Variants in DNAAF4 observed in about 807,000 individuals in gnomAD.
DNAAF4 encodes dynein axonemal assembly factor 4.
In DNAAF4, 43 loss-of-function variants were observed where a neutral mutation model predicts 51.8. The ratio of observed to expected loss-of-function variants is 0.83; its 90% confidence interval spans 0.65 to 1.07. The LOEUF is 1.07. DNAAF4 is among the 50% of genes least tolerant of loss of function. DNAAF4 has a pLI of 0.00. For missense variants in DNAAF4, 581 were observed against 493.0 expected, an observed-to-expected ratio of 1.18 and a Z score of -1.69; for synonymous variants, 194 against 165.6, an observed-to-expected ratio of 1.17 and a Z score of -1.32.
In DNAAF4 at chr15:55,500,053, TA is replaced by T. The variant is rs1004028131; in HGVS notation, c.-255-1470del. 6.0e-4 allele frequency among the ~76,000 whole-genome samples: 89 copies of T among 149,144 alleles called. No individual in the cohort carries two copies. In the East Asian group the frequency reaches 0.011, roughly 18 times the overall value. ...TTGATTTTCAACTTTTTTTTAACTTTAAAAAAAAAACAGAGAAACTGGGCCT... is the reference window on the plus strand; with the variant it reads ...TTGATTTTCAACTTTTTTTTAACTTTAAAAAAAAACAGAGAAACTGGGCCT... On this transcript the variant is annotated intron_variant, in intron 1 of 9. Coordinates refer to ENST00000321149, the MANE Select transcript of DNAAF4 (RefSeq NM_130810.4).
chr15:55,463,066 G>T (rs2058116136), intron 5 of DNAAF4, among the ~76,000 whole-genome samples: 1 of 151,924 alleles, frequency 6.6e-6, no homozygotes, highest in Non-Finnish European at 1.5e-5. Context: ...CCCAGATACT[G>T]GGGAGGTTGA....
At chr15:55,499,177 G>A (rs770478276) in intron 1 of DNAAF4, among the ~76,000 whole-genome samples, 71 of 152,262 alleles carry the variant, frequency 4.7e-4, no homozygotes, top group Non-Finnish European at 9.7e-4. Flanking sequence ...GAGCCAATCC[G>A]TCAACATCCA....
chr15:55,499,225 G>A (rs1359081090), intron 1 of DNAAF4, among the ~76,000 whole-genome samples: 4 of 152,166 alleles, frequency 2.6e-5, no homozygotes, highest in African/African-American at 9.7e-5. Flanking sequence ...ATAGAGACAC[G>A]TGGTCATTTA....
intron 6 of DNAAF4, among the ~76,000 whole-genome samples, chr15:55,447,883 G>A (rs2057863612): frequency 6.7e-6 from 1 of 148,722 alleles, no homozygotes; most frequent in Non-Finnish European, 1.5e-5. Context: ...GAGGGGAGAG[G>A]GGAGCCCCTT....
chr15:55,423,255 G>A (rs896004999), intron 7 of DNAAF4, among the ~76,000 whole-genome samples: 4 of 151,418 alleles, frequency 2.6e-5, no homozygotes, highest in East Asian at 3.9e-4. Flanking sequence ...AGGCTGGAGC[G>A]CAATGACACA....
At chr15:55,433,904 T>TATAAAATA (rs1567000410) in intron 8 of DNAAF4, among the ~76,000 whole-genome samples, 1 of 16,342 alleles carries the variant, frequency 6.1e-5, no homozygotes, top group African/African-American at 4.7e-4. Context: ...ATTATATATA[T>TATAAAATA]TATATATAAT....
In DNAAF4 at chr15:55,498,129, TGCTCGTGCCCA is replaced by T. The variant is rs1442174159; in HGVS notation, c.123+67_123+77del. Reference sequence around the variant, plus strand: ...CGTTTATCGGCAAAGATGAGCCTGTTGCTCGTGCCCAGCTGCGCTCTTGCAGAAGCTTCGGA... The same window carrying T: ...CGTTTATCGGCAAAGATGAGCCTGTTGCTGCGCTCTTGCAGAAGCTTCGGA... On this transcript the variant is annotated intron_variant, in intron 2 of 9. Coordinates refer to ENST00000321149, the MANE Select transcript of DNAAF4 (RefSeq NM_130810.4). 1.9e-6 allele frequency: 3 copies of T among 1,602,698 alleles called. No homozygotes were observed. In the East Asian group the frequency reaches 6.7e-5, roughly 36 times the overall value.
At chr15:55,446,692 C>CTGA (rs2057827678) in intron 6 of DNAAF4, among the ~76,000 whole-genome samples, 1 of 145,640 alleles carries the variant, frequency 6.9e-6, no homozygotes, top group East Asian at 2.1e-4. Flanking sequence ...GACGGGGTGG[C>CTGA]CGGGCAGAGG....
chr15:55,477,497 G>A (rs2058351222), intron 4 of DNAAF4, among the ~76,000 whole-genome samples: 1 of 151,956 alleles, frequency 6.6e-6, no homozygotes, highest in Non-Finnish European at 1.5e-5. Context: ...GTAGAAAATG[G>A]AGTTATATTA....
At position 55,501,166 on chromosome 15, in the gene DNAAF4, C is replaced by T. The variant is rs1231116541; in HGVS notation, c.-255-2582G>A. On this transcript the variant is annotated intron_variant, in intron 1 of 9. Coordinates refer to ENST00000321149, the MANE Select transcript of DNAAF4 (RefSeq NM_130810.4). ...GCAACCTCCACCTCCGGGGTTCAAG[C>T]GATTCTCCTGCCTCAGCCTCCTGAG... is the stretch of plus-strand genomic sequence containing the variant. Among the ~76,000 whole-genome samples the T allele has an allele frequency of 2.7e-5, 4 of 150,082 alleles. No individual in the cohort carries two copies. In the East Asian group the frequency reaches 6.1e-4, roughly 23 times the overall value.
intron 5 of DNAAF4, among the ~76,000 whole-genome samples, chr15:55,459,685 T>G (rs2058066500): frequency 1.3e-5 from 2 of 150,888 alleles, no homozygotes; most frequent in Non-Finnish European, 2.9e-5. Context: ...GGAGTAGCTA[T>G]TCTTTTTTCT....
intron 1 of DNAAF4, among the ~76,000 whole-genome samples, chr15:55,504,693 T>TG (rs1318094105): frequency 5.9e-5 from 9 of 152,122 alleles, no homozygotes; most frequent in African/African-American, 2.2e-4. Flanking sequence ...ATTTAATAAA[T>TG]GTGCTGGGAA....
chr15:55,468,031 A>G (rs2058194756), intron 4 of DNAAF4, among the ~76,000 whole-genome samples: 1 of 152,190 alleles, frequency 6.6e-6, no homozygotes, highest in Non-Finnish European at 1.5e-5. Flanking sequence ...GTGCTATCCA[A>G]TATAGTAGCC....
At chr15:55,452,824 T>C (rs934945770) in intron 5 of DNAAF4, among the ~76,000 whole-genome samples, 5 of 152,178 alleles carry the variant, frequency 3.3e-5, no homozygotes, top group African/African-American at 9.7e-5. Flanking sequence ...AATAGATTAA[T>C]ATCAATGGCT....
chr15:55,505,555 G>A (rs1023824164), intron 1 of DNAAF4, among the ~76,000 whole-genome samples: 1 of 152,138 alleles, frequency 6.6e-6, no homozygotes, highest in Non-Finnish European at 1.5e-5. Context: ...AGAAAATGTG[G>A]CACATATACA....
intron 5 of DNAAF4, among the ~76,000 whole-genome samples, chr15:55,456,894 C>G (rs1042052083): frequency 6.6e-6 from 1 of 152,206 alleles, no homozygotes; most frequent in African/African-American, 2.4e-5. Context: ...GGAAGCCATT[C>G]CTGGCGTGAT....
At chr15:55,432,808 G>C (rs1566999525) in intron 8 of DNAAF4, among the ~76,000 whole-genome samples, 1 of 149,676 alleles carries the variant, frequency 6.7e-6, no homozygotes, top group Non-Finnish European at 1.5e-5. Flanking sequence ...AAATTATCTG[G>C]CTGTGGTGGT....
At chr15:55,475,448 C>A (rs761787850) in intron 4 of DNAAF4, among the ~76,000 whole-genome samples, 16 of 152,186 alleles carry the variant, frequency 1.1e-4, no homozygotes, top group Non-Finnish European at 1.9e-4. Context: ...CTAAAACCCC[C>A]TCCCAGCTAG....
chr15:55,429,928 C>T (rs1240015508), downstream of DNAAF4, among the ~76,000 whole-genome samples: 2 of 151,966 alleles, frequency 1.3e-5, no homozygotes, highest in African/African-American at 2.4e-5. Context: ...AGTGATACAA[C>T]ACAAATGATG....
Sources: allele counts gnomAD v4.1 joint callset (sites outside exome capture counted in the v4.1 genomes callset), GRCh38; gene constraint gnomAD v4.1.1; transcripts MANE v1.5; gene names NCBI Gene and HGNC (gene_info 2026-07-23, HGNC 2026-07-21).